The following CDH13 variants were observed in gnomAD, a reference collection of about 807,000 sequenced individuals.
CDH13 encodes cadherin 13.
A neutral mutation model predicts 63.8 loss-of-function variants in CDH13; 24 were observed. The observed-to-expected ratio is 0.38, with a 90% CI of 0.27 to 0.53. The LOEUF is 0.53. Ranked by LOEUF, CDH13 falls within the 20% of genes least tolerant of loss-of-function variation. The pLI is 0.85. For missense variants in CDH13, 1,049 were observed against 903.1 expected, an observed-to-expected ratio of 1.16 and a Z score of -2.07; for synonymous variants, 503 against 355.3, an observed-to-expected ratio of 1.42 and a Z score of -4.67.
At chr16:82,759,045 CTTA>C (rs952948443) in intron 1 of CDH13, among the ~76,000 whole-genome samples, 4 of 152,134 alleles carry the variant, frequency 2.6e-5, no homozygotes, top group African/African-American at 9.7e-5. Context: ...GCATTGGGGG[CTTA>C]TTAAGCAGCA....
At chr16:83,431,031 T>C (rs1011094403) in intron 6 of CDH13, among the ~76,000 whole-genome samples, 1 of 143,664 alleles carries the variant, frequency 7.0e-6, no homozygotes, top group Non-Finnish European at 1.5e-5. Flanking sequence ...TGTGTTCTCA[T>C]TGTTCAATTC....
intron 1 of CDH13, among the ~76,000 whole-genome samples, chr16:82,751,998 A>G (rs1242106062): frequency 6.6e-6 from 1 of 152,208 alleles, no homozygotes; most frequent in South Asian, 2.1e-4. Context: ...AACAATGACC[A>G]TGTCTAAGCA....
chr16:82,718,591 A>G (rs1443579567), intron 1 of CDH13, among the ~76,000 whole-genome samples: 3 of 152,172 alleles, frequency 2.0e-5, no homozygotes, highest in Non-Finnish European at 2.9e-5. Context: ...TATATCTAAG[A>G]CTGGGCAATT....
chr16:83,327,476 C>T (rs1056566623), intron 5 of CDH13, among the ~76,000 whole-genome samples: 2 of 152,194 alleles, frequency 1.3e-5, no homozygotes, highest in Non-Finnish European at 2.9e-5. Flanking sequence ...AAGCCCTTAG[C>T]TAATTCATTG....
intron 5 of CDH13, among the ~76,000 whole-genome samples, chr16:83,232,227 T>TTAA (rs3049884): frequency 3.8e-4 from 26 of 67,636 alleles, no homozygotes; most frequent in East Asian, 5.7e-4. Context: ...TTTTTTTTTT[T>TTAA]AAAAAAAAAA....
rs1011620150 is a variant in CDH13 at position 83,470,725 on chromosome 16, G to A, written c.782-15752G>A. On this transcript the variant is annotated intron_variant, in intron 6 of 13. Transcript: ENST00000567109. ...TAACACGCCTAGCCCAGAGCTGCAC[G>A]TCCTCTGCCTCTCATTTGCCCACCA... Among the ~76,000 whole-genome samples, 10 of 152,162 alleles carry A rather than the reference G, an allele frequency of 6.6e-5. No homozygotes were observed. In the East Asian group the frequency reaches 9.6e-4, roughly 15 times the overall value.
At chr16:82,738,791 T>G (rs953193325) in intron 1 of CDH13, among the ~76,000 whole-genome samples, 15 of 152,212 alleles carry the variant, frequency 9.9e-5, no homozygotes, top group Admixed American at 4.6e-4. Context: ...TCATATAACC[T>G]TGGTGGTTCC....
At chr16:82,821,896 C>T (rs571858607) in intron 1 of CDH13, among the ~76,000 whole-genome samples, 1 of 152,310 alleles carries the variant, frequency 6.6e-6, no homozygotes, top group African/African-American at 2.4e-5. Context: ...ACCATCTATG[C>T]TTCCTAATCC....
At chr16:83,350,551 C>T (rs1435926172) in intron 6 of CDH13, among the ~76,000 whole-genome samples, 1 of 100,580 alleles carries the variant, frequency 9.9e-6, no homozygotes, top group South Asian at 2.5e-4. Context: ...TGTCTTAGTC[C>T]CTTTAATTTT....
In CDH13 at chr16:83,593,388, A is replaced by G. The variant is rs114467179; in HGVS notation, c.961-9066A>G. On this transcript the variant is annotated intron_variant, in intron 7 of 13. Coordinates refer to ENST00000567109, the MANE Select transcript of CDH13 (RefSeq NM_001257.5). Reference sequence around the variant, plus strand: ...CTGGAGCCCATTCTCACTGGCTCACAATAGCCAACTGGTGTCTCTGTTTCC... The same window carrying G: ...CTGGAGCCCATTCTCACTGGCTCACGATAGCCAACTGGTGTCTCTGTTTCC... Among the ~76,000 whole-genome samples the G allele has an allele frequency of 7.1e-3, 1,078 of 152,284 alleles. 9 individuals carry two copies. The highest frequency in any genetic ancestry group is 0.025 in the African/African-American group (1,032 of 41,544).
chr16:83,257,303 A>G (rs902837242), intron 5 of CDH13, among the ~76,000 whole-genome samples: 1 of 152,180 alleles, frequency 6.6e-6, no homozygotes, highest in Non-Finnish European at 1.5e-5. Context: ...CTGCAACTCA[A>G]GTAGAATTCA....
intron 13 of CDH13, among the ~76,000 whole-genome samples, chr16:83,788,161 A>G (rs1033424098): frequency 2.0e-5 from 3 of 152,176 alleles, no homozygotes; most frequent in South Asian, 2.1e-4. Flanking sequence ...TGTAAATCCA[A>G]TTTCTGAACA....
intron 6 of CDH13, among the ~76,000 whole-genome samples, chr16:83,457,606 G>A (rs1196326670): frequency 1.3e-5 from 2 of 152,092 alleles, no homozygotes; most frequent in East Asian, 3.9e-4. Context: ...ATCCACAGTA[G>A]CAATAAGCAG....
chr16:83,660,848 T>C (rs906448738), intron 8 of CDH13, among the ~76,000 whole-genome samples: 1 of 152,212 alleles, frequency 6.6e-6, no homozygotes, highest in Non-Finnish European at 1.5e-5. Flanking sequence ...TGCATTTTCT[T>C]TCATTTTTTA....
chr16:82,726,881 G>A (rs548806641), intron 1 of CDH13, among the ~76,000 whole-genome samples: 1 of 152,296 alleles, frequency 6.6e-6, no homozygotes, highest in South Asian at 2.1e-4. Context: ...TGAAAACACT[G>A]AGGCACAGAG....
At chr16:83,300,641 A>G (rs2089712104) in intron 5 of CDH13, among the ~76,000 whole-genome samples, 1 of 152,260 alleles carries the variant, frequency 6.6e-6, no homozygotes, top group South Asian at 2.1e-4. Context: ...CTGCCCTCCC[A>G]GAACCTAGTA....
intron 2 of CDH13, among the ~76,000 whole-genome samples, chr16:83,012,289 A>G (rs1270619769): frequency 6.6e-6 from 1 of 151,128 alleles, no homozygotes; most frequent in Non-Finnish European, 1.5e-5. Flanking sequence ...GAGATGTTAA[A>G]ACAATTTGGG....
intron 2 of CDH13, among the ~76,000 whole-genome samples, chr16:82,885,439 C>T (rs1567629707): frequency 1.1e-5 from 1 of 92,682 alleles, no homozygotes; most frequent in Admixed American, 1.2e-4. Context: ...TCCCACCCCC[C>T]CACCCACTCA....
intron 7 of CDH13, among the ~76,000 whole-genome samples, chr16:83,538,331 CT>C (rs2075233466): frequency 6.6e-6 from 1 of 152,164 alleles, no homozygotes; most frequent in South Asian, 2.1e-4. Context: ...TCACTGTCCC[CT>C]GAAGCAGTCA....
Sources: gnomAD v4.1 joint callset for allele counts (sites outside exome capture counted in the v4.1 genomes callset) on GRCh38, gnomAD v4.1.1 for gene constraint, MANE v1.5 for transcripts, NCBI Gene and HGNC (gene_info 2026-07-23, HGNC 2026-07-21) for gene names.